Variants in SHISA6 observed in about 807,000 individuals in gnomAD.
SHISA6 encodes protein shisa-6.
A neutral mutation model predicts 47.9 loss-of-function variants in SHISA6; 22 were observed. The ratio of observed to expected loss-of-function variants is 0.46; its 90% CI spans 0.33 to 0.66. The LOEUF is 0.66. SHISA6 is among the 30% of genes least tolerant of loss of function. SHISA6 has a pLI of 0.02. For missense variants in SHISA6, 680 were observed against 764.6 expected (o/e 0.89, Z 1.30); for synonymous variants, 388 against 337.8 (o/e 1.15, Z -1.63).
Position 11,393,344 on chromosome 17 carries a change from C to G in SHISA6, c.895+13835C>G, listed in dbSNP as rs974204624. On this transcript the variant is annotated intron_variant, in intron 3 of 5. Coordinates refer to ENST00000441885, the MANE Select transcript of SHISA6 (RefSeq NM_207386.4). ...CTCTTGAACTTACACACCATTTGCC[C>G]CCTTCTTAGCCAGGATCCTAGTCTG... Among the ~76,000 whole-genome samples the G allele has an allele frequency of 2.0e-5, 3 of 152,094 alleles. No homozygotes were observed. In the East Asian group the frequency reaches 5.8e-4, roughly 29 times the overall value.
intron 3 of SHISA6, among the ~76,000 whole-genome samples, chr17:11,425,118 C>A (rs1315498627): frequency 6.6e-6 from 1 of 151,038 alleles, no homozygotes; most frequent in African/African-American, 2.4e-5. Context: ...TGTCTGAAAT[C>A]TTTCAAAATA....
At chr17:11,300,425 C>T (rs978556456) in intron 2 of SHISA6, among the ~76,000 whole-genome samples, 1 of 152,144 alleles carries the variant, frequency 6.6e-6, no homozygotes, top group Non-Finnish European at 1.5e-5. Flanking sequence ...CTTCAGAATC[C>T]GAGTGCATCT....
chr17:11,432,587 T>A (rs1914812644), intron 3 of SHISA6, among the ~76,000 whole-genome samples: 1 of 152,220 alleles, frequency 6.6e-6, no homozygotes, highest in Non-Finnish European at 1.5e-5. Context: ...AGGAATTTAT[T>A]GGGAGGACAT....
At chr17:11,315,475 T>C (rs534251998) in intron 2 of SHISA6, among the ~76,000 whole-genome samples, 1 of 152,248 alleles carries the variant, frequency 6.6e-6, no homozygotes. Context: ...AAGAGAAATA[T>C]AGCGGTAACA....
At chr17:11,556,128 T>C (rs2071977079) in intron 5 of SHISA6, among the ~76,000 whole-genome samples, 1 of 152,170 alleles carries the variant, frequency 6.6e-6, no homozygotes, top group Non-Finnish European at 1.5e-5. Flanking sequence ...CACATCCCTA[T>C]AGGAGACGGC....
chr17:11,428,625 C>T (rs994881315), intron 3 of SHISA6, among the ~76,000 whole-genome samples: 12 of 152,140 alleles, frequency 7.9e-5, no homozygotes, highest in Admixed American at 2.0e-4. Context: ...TGGCTTAAAG[C>T]AACACACATT....
intron 2 of SHISA6, among the ~76,000 whole-genome samples, chr17:11,291,621 G>A (rs949757275): frequency 6.6e-5 from 10 of 152,074 alleles, no homozygotes; most frequent in African/African-American, 1.9e-4. Flanking sequence ...GCGACAGAGC[G>A]AGACTCTGTC....
chr17:11,464,043 A>T (rs1359744311), intron 3 of SHISA6, among the ~76,000 whole-genome samples: 2 of 152,040 alleles, frequency 1.3e-5, no homozygotes, highest in Non-Finnish European at 2.9e-5. Context: ...CAGCCTCCCA[A>T]GTAACTGGGA....
intron 2 of SHISA6, among the ~76,000 whole-genome samples, chr17:11,267,450 C>T (rs1294701435): frequency 1.3e-5 from 2 of 152,326 alleles, no homozygotes; most frequent in Middle Eastern, 3.4e-3. Context: ...GCCCTTGTCA[C>T]ACATTGGAGT....
At chr17:11,354,408 T>G (rs115386434) in intron 2 of SHISA6, among the ~76,000 whole-genome samples, 1,550 of 152,284 alleles carry the variant, frequency 0.01, 23 homozygotes, top group African/African-American at 0.035. Flanking sequence ...CCACACAGGA[T>G]GGAGGCCGGA....
intron 2 of SHISA6, among the ~76,000 whole-genome samples, chr17:11,339,350 C>T (rs939755669): frequency 7.2e-5 from 11 of 151,908 alleles, no homozygotes; most frequent in Non-Finnish European, 1.5e-4. Flanking sequence ...TAAACATGAG[C>T]GAAAGATCTG....
intron 2 of SHISA6, among the ~76,000 whole-genome samples, chr17:11,330,917 G>A (rs1597461431): frequency 6.6e-6 from 1 of 152,186 alleles, no homozygotes; most frequent in Non-Finnish European, 1.5e-5. Flanking sequence ...AGTATCTCAC[G>A]TATAGTGACA....
intron 2 of SHISA6, among the ~76,000 whole-genome samples, chr17:11,287,709 A>AGGAAGGGAGGGAGGGAG (rs374716203): frequency 1.1e-5 from 1 of 87,672 alleles, no homozygotes; most frequent in African/African-American, 4.4e-5. Flanking sequence ...GAAGGAAGGA[A>AGGAAGGGAGGGAGGGAG]GGAGGGAGGG....
At chr17:11,274,236 A>C (rs1211082429) in intron 2 of SHISA6, among the ~76,000 whole-genome samples, 1 of 152,196 alleles carries the variant, frequency 6.6e-6, no homozygotes, top group Non-Finnish European at 1.5e-5. Flanking sequence ...AGAAAGGAGA[A>C]CCACGGAGCT....
At chr17:11,489,164 T>C (rs1916417845) in intron 3 of SHISA6, among the ~76,000 whole-genome samples, 1 of 152,062 alleles carries the variant, frequency 6.6e-6, no homozygotes, top group African/African-American at 2.4e-5. Flanking sequence ...CTCCTCAAAT[T>C]ATTCCCTTTG....
rs191648150 is a variant in SHISA6 at position 11,428,610 on chromosome 17, C to G, written c.895+49101C>G. Among the ~76,000 whole-genome samples, 9 of 152,244 alleles carry G rather than the reference C, an allele frequency of 5.9e-5. No individual in the cohort carries two copies. In the East Asian group the frequency reaches 1.7e-3, roughly 29 times the overall value. On this transcript the variant is annotated intron_variant, in intron 3 of 5. Transcript: ENST00000441885. Reference sequence around the variant, plus strand: ...TGCAGCATAACAAATTATTTCAAAACTTGGTGGCTTAAAGCAACACACATT... The same window carrying G: ...TGCAGCATAACAAATTATTTCAAAAGTTGGTGGCTTAAAGCAACACACATT...
chr17:11,483,832 T>C (rs1171466504), intron 3 of SHISA6, among the ~76,000 whole-genome samples: 1 of 152,150 alleles, frequency 6.6e-6, no homozygotes, highest in Non-Finnish European at 1.5e-5. Context: ...GGTGTGCGCC[T>C]GTAATCCCAG....
Position 11,241,546 on chromosome 17 carries a change from G to T in SHISA6, c.124G>T (p.Val42Phe). The change falls in exon 1 of 6, where the codon GTC (valine) becomes TTC (phenylalanine). Residue 42 changes from valine (V) to phenylalanine (F), a missense_variant. Val to Phe is a conservative substitution (Grantham distance 50, BLOSUM62 -1). This residue lies in a region of SHISA6 where 121 missense variants were observed against 90.5 expected (regional missense o/e 1.34). Transcript: ENST00000441885. The surrounding 1 kb of genome is among the most constrained non-coding windows in gnomAD (Gnocchi z 5.5). ...NRTLSAGGAA[V>F]GGRRAGGALA... ...GACCCTGAGTGCAGGCGGCGCTGCCGTCGGGGGCCGGAGGGCCGGGGGCGC... is the reference window on the plus strand; with the variant it reads ...GACCCTGAGTGCAGGCGGCGCTGCCTTCGGGGGCCGGAGGGCCGGGGGCGC... 1 of 1,085,510 alleles carries T rather than the reference G, an allele frequency of 9.2e-7. No homozygotes were observed. The highest frequency in any genetic ancestry group is 1.1e-6 in the Non-Finnish European group (1 of 897,212). 67.2% of individuals were successfully genotyped at this position (1,085,510 alleles called of 1,614,324 possible).
chr17:11,282,083 C>T (rs530519208), intron 2 of SHISA6, among the ~76,000 whole-genome samples: 1 of 152,214 alleles, frequency 6.6e-6, no homozygotes, highest in African/African-American at 2.4e-5. Flanking sequence ...GCCAAATTAT[C>T]TTTACAAAAC....
Sources: allele counts gnomAD v4.1 joint callset (sites outside exome capture counted in the v4.1 genomes callset), GRCh38; gene constraint gnomAD v4.1.1; regional missense constraint gnomAD v4.1.1; non-coding constraint Gnocchi (gnomAD v3.1); transcripts MANE v1.5; gene names NCBI Gene and HGNC (gene_info 2026-07-23, HGNC 2026-07-21).